VRK1: variants seen among roughly 807,000 people sequenced by gnomAD.
VRK1 encodes the protein serine/threonine-protein kinase VRK1.
In VRK1, 33 loss-of-function variants were observed where a neutral mutation model predicts 57.1. The ratio of observed to expected loss-of-function variants is 0.58; its 90% CI spans 0.44 to 0.77. VRK1 has a LOEUF of 0.77. VRK1 is among the 30% of genes least tolerant of loss of function. The pLI is 0.00. For synonymous variants in VRK1, 137 were observed against 147.8 expected, an observed-to-expected ratio of 0.93 and a Z score of 0.53; for missense variants, 413 against 477.3, an observed-to-expected ratio of 0.87 and a Z score of 1.25.
Position 96,846,059 on chromosome 14 carries a change from A to T in VRK1, c.217-36A>T, listed in dbSNP as rs751110993. 2.7e-5 allele frequency: 42 copies of T among 1,554,090 alleles called. No individual in the cohort carries two copies. In the Admixed American group the frequency reaches 7.0e-4, roughly 26 times the overall value. ...CATTGAAAATATCTCAGTAATTTTA[A>T]CTACTGCTAGTACTAATTAACTCTT... On this transcript the variant is annotated intron_variant, in intron 3 of 12. Transcript: ENST00000216639.
At chr14:96,825,936 T>A (rs1415791552) in intron 1 of VRK1, among the ~76,000 whole-genome samples, 1 of 152,226 alleles carries the variant, frequency 6.6e-6, no homozygotes, top group Non-Finnish European at 1.5e-5. Context: ...ATAACGAGCT[T>A]TATTCAGCAT....
intron 1 of VRK1, among the ~76,000 whole-genome samples, chr14:96,801,694 C>A (rs1885669068): frequency 6.6e-6 from 1 of 152,174 alleles, no homozygotes; most frequent in Non-Finnish European, 1.5e-5. Context: ...ACAATTAACA[C>A]ATATTTGTAT....
chr14:96,869,099 A>G (rs1473082975), intron 11 of VRK1, among the ~76,000 whole-genome samples: 1 of 152,160 alleles, frequency 6.6e-6, no homozygotes, highest in Non-Finnish European at 1.5e-5. Context: ...GGCCTCGTGT[A>G]AAAATGGATG....
At chr14:96,871,315 A>G (rs1888813401) in intron 11 of VRK1, among the ~76,000 whole-genome samples, 1 of 152,232 alleles carries the variant, frequency 6.6e-6, no homozygotes, top group Non-Finnish European at 1.5e-5. Context: ...GTAGGTAACT[A>G]AAAATGTTGA....
intron 1 of VRK1, among the ~76,000 whole-genome samples, chr14:96,814,718 A>G (rs1886328102): frequency 6.6e-6 from 1 of 152,170 alleles, no homozygotes. Context: ...CATATGTATA[A>G]TGGTCCTTTT....
In VRK1 at chr14:96,833,458, A is replaced by G. The variant is rs1887089781; in HGVS notation, c.-5-9A>G. The G allele has an allele frequency of 1.2e-6, 2 of 1,613,002 alleles. No individual in the cohort carries two copies. The highest frequency in any genetic ancestry group is 1.7e-6 in the Non-Finnish European group (2 of 1,179,514). ...AGAATTCTGACCATTTCTTTGTTTT[A>G]TGTTATAGTGAAAATGCCTCGTGTA... On this transcript the variant is annotated splice_polypyrimidine_tract_variant and intron_variant, in intron 1 of 12. Coordinates refer to ENST00000216639, the MANE Select transcript of VRK1 (RefSeq NM_003384.3).
intron 11 of VRK1, among the ~76,000 whole-genome samples, chr14:96,870,705 G>A (rs1342913947): frequency 4.6e-5 from 7 of 152,170 alleles, no homozygotes; most frequent in African/African-American, 1.7e-4. Context: ...GATTTTTCTA[G>A]GTTGTGCTTG....
At chr14:96,809,826 G>T (rs1350340690) in intron 1 of VRK1, among the ~76,000 whole-genome samples, 1 of 152,054 alleles carries the variant, frequency 6.6e-6, no homozygotes, top group African/African-American at 2.4e-5. Flanking sequence ...GCCTGCTTCG[G>T]CCTCCCTAAG....
intron 12 of VRK1, among the ~76,000 whole-genome samples, chr14:96,879,192 A>G (rs943290193): frequency 6.6e-6 from 1 of 151,854 alleles, no homozygotes; most frequent in Admixed American, 6.6e-5. Flanking sequence ...ACCCTTTGCC[A>G]GTAGTGTATA....
chr14:96,810,491 T>C (rs1025430606), intron 1 of VRK1, among the ~76,000 whole-genome samples: 6 of 152,224 alleles, frequency 3.9e-5, no homozygotes, highest in African/African-American at 1.4e-4. Context: ...TTGTGTGTTA[T>C]GAGGTAGGGA....
intron 1 of VRK1, among the ~76,000 whole-genome samples, chr14:96,811,281 G>A (rs993067957): frequency 6.6e-6 from 1 of 152,258 alleles, no homozygotes. Context: ...ATCATGCTTT[G>A]TTTAGTAAGT....
At chr14:96,819,106 A>G (rs1310278557) in intron 1 of VRK1, among the ~76,000 whole-genome samples, 1 of 152,214 alleles carries the variant, frequency 6.6e-6, no homozygotes, top group Non-Finnish European at 1.5e-5. Flanking sequence ...GTTTGATTTT[A>G]TTCTGACTTA....
At chr14:96,864,029 A>G (rs1888488557) in intron 11 of VRK1, among the ~76,000 whole-genome samples, 1 of 152,238 alleles carries the variant, frequency 6.6e-6, no homozygotes, top group African/African-American at 2.4e-5. Context: ...TTTTAGCCTG[A>G]TACGGTAATA....
chr14:96,856,372 TAAAC>T, intron 9 of VRK1, 122 bp downstream of exon 9: 2 of 1,405,452 alleles, frequency 1.4e-6, no homozygotes, highest in Non-Finnish European at 2.0e-6. Flanking sequence ...AAGTACTTGT[TAAAC>T]AGTAAGGTTC....
At chr14:96,872,296 G>A (rs1267287686) in intron 11 of VRK1, among the ~76,000 whole-genome samples, 1 of 152,128 alleles carries the variant, frequency 6.6e-6, no homozygotes, top group Non-Finnish European at 1.5e-5. Flanking sequence ...CTTAGAGGAA[G>A]ATATGAAATT....
At chr14:96,812,842 G>A (rs1886256529) in intron 1 of VRK1, among the ~76,000 whole-genome samples, 1 of 152,022 alleles carries the variant, frequency 6.6e-6, no homozygotes, top group African/African-American at 2.4e-5. Flanking sequence ...ATCATTTGTG[G>A]TTCATACTGG....
Position 96,860,649 on chromosome 14 carries a change from C to G in VRK1, c.982C>G (p.Leu328Val). 1.2e-6 allele frequency: 2 copies of G among 1,613,296 alleles called. No individual in the cohort carries two copies. The highest frequency in any genetic ancestry group is 1.7e-6 in the Non-Finnish European group (2 of 1,179,542). ...TTTACGTGACATTCTTTTGCAAGGA[C>G]TAAAAGCTATAGGAAGTAAGGATGA... ...ENLRDILLQG[L>V]KAIGSKDDGK... Residue 328 changes from leucine to valine, a missense_variant, in exon 11 of 13, where the codon CTA becomes GTA. Physicochemically the swap from Leu to Val is conservative, Grantham distance 32. Coordinates refer to ENST00000216639, the MANE Select transcript of VRK1 (RefSeq NM_003384.3).
intron 1 of VRK1, among the ~76,000 whole-genome samples, chr14:96,806,685 C>T (rs1885891265): frequency 6.6e-6 from 1 of 152,196 alleles, no homozygotes; most frequent in South Asian, 2.1e-4. Context: ...TAATGTCTGG[C>T]CCACAGTAAG....
chr14:96,798,535 A>C (rs891281983), intron 1 of VRK1, among the ~76,000 whole-genome samples: 1 of 152,214 alleles, frequency 6.6e-6, no homozygotes, highest in African/African-American at 2.4e-5. Context: ...GAACTGTTGA[A>C]GAACTTCATT....
Sources: allele counts gnomAD v4.1 joint callset (sites outside exome capture counted in the v4.1 genomes callset), GRCh38; gene constraint gnomAD v4.1.1; transcripts MANE v1.5; gene names NCBI Gene and HGNC (gene_info 2026-07-23, HGNC 2026-07-21).